The following LRRC4C variants were observed in gnomAD, a reference collection of about 807,000 sequenced individuals.
LRRC4C encodes the protein leucine rich repeat containing 4C, also known as leucine-rich repeat-containing protein 4C.
LRRC4C carries 5 observed loss-of-function variants against 33.6 expected under a neutral mutation model. The observed-to-expected ratio is 0.15, with a 90% CI of 0.08 to 0.31. The LOEUF (loss-of-function observed/expected upper bound fraction) is 0.31, where lower values mean the gene tolerates loss of function less well. Among genes scored for constraint, LRRC4C ranks in the 10% least tolerant of loss-of-function variants. The pLI is 1.00. For synonymous variants in LRRC4C, 329 were observed against 302.0 expected, an observed-to-expected ratio of 1.09 and a Z score of -0.93; for missense variants, 560 against 796.7, an observed-to-expected ratio of 0.70 and a Z score of 3.58.
intron 1 of LRRC4C, among the ~76,000 whole-genome samples, chr11:41,348,152 G>T (rs1004355639): frequency 1.3e-5 from 2 of 152,258 alleles, no homozygotes; most frequent in South Asian, 4.1e-4. Context: ...CTAAGCTATT[G>T]AGAGATTTCT....
chr11:40,647,372 CA>C (rs1274621192), intron 3 of LRRC4C, among the ~76,000 whole-genome samples: 3 of 152,018 alleles, frequency 2.0e-5, no homozygotes, highest in Admixed American at 6.6e-5. Context: ...TTCCTTAACA[CA>C]GTGAAACCCC....
intron 1 of LRRC4C, among the ~76,000 whole-genome samples, chr11:41,249,007 A>G (rs11036318): frequency 0.14 from 20,745 of 150,288 alleles, 1,543 homozygotes; most frequent in Middle Eastern, 0.26. Context: ...CACTATAGCC[A>G]CTGTTATCTC....
intron 4 of LRRC4C, among the ~76,000 whole-genome samples, chr11:40,270,425 C>T (rs1319509281): frequency 1.3e-5 from 2 of 151,800 alleles, no homozygotes; most frequent in Admixed American, 1.3e-4. Context: ...AAAAGGACAC[C>T]AGTCATTTTG....
At chr11:40,544,211 C>G (rs1207694547) in intron 3 of LRRC4C, among the ~76,000 whole-genome samples, 8 of 152,046 alleles carry the variant, frequency 5.3e-5, no homozygotes, top group Admixed American at 5.3e-4. Context: ...CCACACTTAT[C>G]CAGAAGAAAA....
intron 1 of LRRC4C, among the ~76,000 whole-genome samples, chr11:41,183,318 C>T (rs1945537568): frequency 1.3e-5 from 2 of 152,150 alleles, no homozygotes; most frequent in South Asian, 2.1e-4. Context: ...GTCCCTGCTG[C>T]CTATGAGCCT....
At chr11:40,576,916 G>C (rs1958216206) in intron 3 of LRRC4C, among the ~76,000 whole-genome samples, 1 of 152,130 alleles carries the variant, frequency 6.6e-6, no homozygotes, top group South Asian at 2.1e-4. Flanking sequence ...TAAAATAACA[G>C]ATTACTAACA....
chr11:41,013,991 C>T lies in LRRC4C; in HGVS notation c.-495-80268G>A, dbSNP rs569542311. Among the ~76,000 whole-genome samples, 56 of 152,232 alleles carry T rather than the reference C, an allele frequency of 3.7e-4. No homozygotes were observed. The South Asian group carries it at 8.5e-3, about 23-fold the overall frequency. On this transcript the variant is annotated intron_variant, in intron 1 of 6. Coordinates refer to ENST00000528697, the MANE Select transcript of LRRC4C (RefSeq NM_001258419.2). ...GCCATGAGGGATCCACCCCCATGAC[C>T]GCGTCGCCTTTCACCAGGCCCCACC... is the stretch of plus-strand genomic sequence containing the variant.
chr11:40,990,940 G>A (rs1300236706), intron 1 of LRRC4C, among the ~76,000 whole-genome samples: 2 of 151,822 alleles, frequency 1.3e-5, no homozygotes, highest in Admixed American at 1.3e-4. Context: ...TTGTACAGTT[G>A]ATTTGTCAGA....
intron 1 of LRRC4C, among the ~76,000 whole-genome samples, chr11:41,055,702 T>A (rs1353401016): frequency 6.6e-6 from 1 of 152,144 alleles, no homozygotes; most frequent in South Asian, 2.1e-4. Context: ...TTATACAGAC[T>A]ATACGTATGC....
At chr11:40,947,676 C>T (rs955095716) in intron 1 of LRRC4C, among the ~76,000 whole-genome samples, 2 of 151,950 alleles carry the variant, frequency 1.3e-5, no homozygotes, top group Non-Finnish European at 2.9e-5. Context: ...CTCTGGAGTG[C>T]TCTTCTCTCA....
At chr11:40,528,139 A>G (rs1956131099) in intron 3 of LRRC4C, among the ~76,000 whole-genome samples, 2 of 152,308 alleles carry the variant, frequency 1.3e-5, no homozygotes, top group South Asian at 4.1e-4. Context: ...TTTCTTGGAT[A>G]TAACACCGAA....
intron 2 of LRRC4C, among the ~76,000 whole-genome samples, chr11:40,811,235 A>G (rs1951475337): frequency 6.6e-6 from 1 of 151,516 alleles, no homozygotes; most frequent in African/African-American, 2.4e-5. Context: ...GCCCTCTCCA[A>G]CTCCACTATC....
At chr11:40,512,257 TC>T (rs1455699065) in intron 3 of LRRC4C, among the ~76,000 whole-genome samples, 1 of 152,028 alleles carries the variant, frequency 6.6e-6, no homozygotes, top group African/African-American at 2.4e-5. Flanking sequence ...CACCCGTAGT[TC>T]CAGCTACTCG....
chr11:40,782,038 T>C (rs1020030650), intron 2 of LRRC4C, among the ~76,000 whole-genome samples: 2 of 152,222 alleles, frequency 1.3e-5, no homozygotes, highest in African/African-American at 2.4e-5. Context: ...CTTACTTTCA[T>C]TTAATTTCAA....
chr11:40,386,335 A>C (rs1949110542), intron 3 of LRRC4C, among the ~76,000 whole-genome samples: 1 of 152,174 alleles, frequency 6.6e-6, no homozygotes, highest in Non-Finnish European at 1.5e-5. Flanking sequence ...CTTAAGAATC[A>C]AACCAAACTG....
chr11:40,760,153 T>C (rs1949137013), intron 2 of LRRC4C, among the ~76,000 whole-genome samples: 2 of 151,972 alleles, frequency 1.3e-5, no homozygotes, highest in Non-Finnish European at 2.9e-5. Flanking sequence ...CCTGTTTTTG[T>C]ATAACTTATA....
At chr11:40,547,589 C>G (rs143473434) in intron 3 of LRRC4C, among the ~76,000 whole-genome samples, 1 of 152,080 alleles carries the variant, frequency 6.6e-6, no homozygotes, top group Non-Finnish European at 1.5e-5. Flanking sequence ...CTCAGGATAC[C>G]TTTTTCAAAA....
chr11:40,869,536 G>A (rs1022262579), intron 2 of LRRC4C, among the ~76,000 whole-genome samples: 10 of 152,104 alleles, frequency 6.6e-5, no homozygotes, highest in African/African-American at 2.4e-4. Context: ...TTGGGTGAGT[G>A]GGCTCAAGCA....
In LRRC4C at chr11:41,292,490, A is replaced by C. The variant is rs916879308; in HGVS notation, c.-496+166941T>G. On this transcript the variant is annotated intron_variant, in intron 1 of 6. Coordinates refer to ENST00000528697, the MANE Select transcript of LRRC4C (RefSeq NM_001258419.2). The stretch of plus-strand genomic sequence containing the variant: ...CTCAGTGGATTCTGACATTACACAG[A>C]ATAATGTCAGGGGAGGTGGTAGAAA... 2.6e-5 allele frequency among the ~76,000 whole-genome samples: 4 copies of C among 152,224 alleles called. No homozygotes were observed. The South Asian group carries it at 6.2e-4, about 24-fold the overall frequency.
Sources: allele counts gnomAD v4.1 joint callset (sites outside exome capture counted in the v4.1 genomes callset), GRCh38; gene constraint gnomAD v4.1.1; transcripts MANE v1.5; gene names NCBI Gene and HGNC (gene_info 2026-07-23, HGNC 2026-07-21).